The following UGT1A10 variants were observed in gnomAD, a reference collection of about 807,000 sequenced individuals.
UGT1A10 encodes UDP-glucuronosyltransferase 1A10.
Under a neutral mutation model 45.8 loss-of-function variants are expected in UGT1A10, and 49 were observed. The observed-to-expected ratio is 1.07, with a 90% CI of 0.85 to 1.36. The LOEUF is 1.36. Among genes scored for constraint, UGT1A10 ranks in the 40% most tolerant of loss-of-function variants. The probability of loss-of-function intolerance (pLI) is 0.00; values close to 1 mark genes in which losing one functional copy is unlikely to be tolerated. For missense variants in UGT1A10, 745 were observed against 668.6 expected (o/e 1.11, Z -1.26); for synonymous variants, 284 against 249.7 (o/e 1.14, Z -1.29).
At chr2:233,664,794 C>G (rs1330704608) in intron 1 of UGT1A10, among the ~76,000 whole-genome samples, 1 of 152,180 alleles carries the variant, frequency 6.6e-6, no homozygotes, top group Non-Finnish European at 1.5e-5. Context: ...AATATCCAAG[C>G]TATAACACTG....
In UGT1A10 at chr2:233,772,770, T is replaced by C. The variant is rs10929303; in HGVS notation, c.*211T>C. 0.78 allele frequency: 1,055,817 copies of C among 1,348,090 alleles called. 415,213 individuals are homozygous for C. Among genetic ancestry groups the C allele is most frequent in the East Asian group, 0.89 (34,131 of 38,366 alleles). The allele number at this position is 1,348,090 out of a possible 1,614,324, so 83.5% of individuals were successfully genotyped here. ...ATTTGAATATGTATCGTGCCCCCTC[T>C]GGTGTCTTTGATCAGGATGACATGT... On this transcript the variant is annotated 3_prime_UTR_variant, in exon 5 of 5. Transcript: ENST00000344644.
chr2:233,762,345 C>A (rs964115716), intron 1 of UGT1A10, among the ~76,000 whole-genome samples: 1 of 152,164 alleles, frequency 6.6e-6, no homozygotes, highest in Non-Finnish European at 1.5e-5. Flanking sequence ...CTTTTTAGTT[C>A]TTTGTACTCC....
intron 1 of UGT1A10, among the ~76,000 whole-genome samples, chr2:233,758,520 T>A (rs1404036248): frequency 1.3e-5 from 2 of 152,094 alleles, no homozygotes; most frequent in African/African-American, 4.8e-5. Context: ...CAACAAAGAG[T>A]GAAAGCATTG....
chr2:233,719,326 CTG>C, intron 1 of UGT1A10: 1 of 1,613,946 alleles, frequency 6.2e-7, no homozygotes. Context: ...TCGATTCCTG[CTG>C]TGTTTTTTTG....
chr2:233,672,828 CCTTTGG>C, intron 1 of UGT1A10: 1 of 1,562,282 alleles, frequency 6.4e-7, no homozygotes, highest in Admixed American at 2.0e-5. Flanking sequence ...GAATACTTCA[CCTTTGG>C]AAATTAAAAA....
rs545296603 is a variant in UGT1A10, at chr2:233,723,272, C to T, written c.856-43762C>T. On this transcript the variant is annotated intron_variant, in intron 1 of 4. Transcript: ENST00000344644. Reference sequence around the variant, plus strand: ...TCACCCAGGCTGGAGTGCAATGGCACGATGTTGGCTCACTGCAACCTCTGC... The same window carrying T: ...TCACCCAGGCTGGAGTGCAATGGCATGATGTTGGCTCACTGCAACCTCTGC... 7.1e-5 allele frequency among the ~76,000 whole-genome samples: 8 copies of T among 111,932 alleles called. 2 individuals carry two copies. In the East Asian group the frequency reaches 1.2e-3, roughly 16 times the overall value. The allele number at this position is 111,932 out of a possible 152,430, so 73.4% of individuals were successfully genotyped here.
intron 1 of UGT1A10, chr2:233,692,854 T>C (rs571815189): frequency 2.0e-6 from 3 of 1,463,420 alleles, no homozygotes; most frequent in African/African-American, 2.8e-5. Context: ...TTAATTTGGG[T>C]TCTTACATAT....
At chr2:233,680,119 C>T (rs746737055) in intron 1 of UGT1A10, among the ~76,000 whole-genome samples, 28 of 152,162 alleles carry the variant, frequency 1.8e-4, no homozygotes, top group African/African-American at 3.9e-4. Flanking sequence ...GCTCAATCTA[C>T]GGTACCTATC....
chr2:233,719,099 G>T, intron 1 of UGT1A10: 3 of 1,614,244 alleles, frequency 1.9e-6, no homozygotes, highest in Non-Finnish European at 2.5e-6. Flanking sequence ...ATCGCGTTAC[G>T]CTGGGCTACA....
rs192599700 is a variant in UGT1A10, at chr2:233,747,215, T to C, written c.856-19819T>C. 3.6e-4 allele frequency: 574 copies of C among 1,605,522 alleles called. 5 individuals are homozygous for C. In the East Asian group the frequency reaches 0.012, roughly 33 times the overall value. On this transcript the variant is annotated intron_variant, in intron 1 of 4. Coordinates refer to ENST00000344644, the MANE Select transcript of UGT1A10 (RefSeq NM_019075.4). ...CAGCTGTCCGTGTCTTCTGCTGAGA[T>C]GGCCACAGGACCCCAGGTTCCCCTG...
At chr2:233,685,329 G>A (rs1252071840) in intron 1 of UGT1A10, among the ~76,000 whole-genome samples, 3 of 152,178 alleles carry the variant, frequency 2.0e-5, no homozygotes, top group East Asian at 3.9e-4. Flanking sequence ...CACCACACCC[G>A]GACTTAAAGT....
intron 1 of UGT1A10, chr2:233,748,023 C>T: frequency 6.2e-7 from 1 of 1,613,520 alleles, no homozygotes; most frequent in Non-Finnish European, 8.5e-7. Context: ...GCCGATCATG[C>T]CCAACATGGT....
chr2:233,649,123 C>T, intron 1 of UGT1A10: 2 of 709,906 alleles, frequency 2.8e-6, no homozygotes, highest in East Asian at 9.0e-5. Flanking sequence ...GTGTTTGTTG[C>T]ATCTAAAATT....
chr2:233,716,324 A>G (rs1170478675), intron 1 of UGT1A10, among the ~76,000 whole-genome samples: 4 of 152,226 alleles, frequency 2.6e-5, no homozygotes, highest in Non-Finnish European at 5.9e-5. Flanking sequence ...AATGGAATAT[A>G]TTCCCAGGTT....
In UGT1A10 at chr2:233,637,401, A is replaced by T. The variant is rs1293301337; in HGVS notation, c.855+24A>T. 2.5e-6 allele frequency: 4 copies of T among 1,586,210 alleles called. No homozygotes were observed. In the South Asian group the frequency reaches 3.5e-5, roughly 14 times the overall value. On this transcript the variant is annotated intron_variant, in intron 1 of 4. Coordinates refer to ENST00000344644, the MANE Select transcript of UGT1A10 (RefSeq NM_019075.4). ...TGGTAAGTCACCTCTCCTTTAGCAC[A>T]TTAAGAATAATCTGGCTTTGGAAAT... is the stretch of plus-strand genomic sequence containing the variant.
At chr2:233,746,037 G>A (rs1056217183) in intron 1 of UGT1A10, among the ~76,000 whole-genome samples, 1 of 151,708 alleles carries the variant, frequency 6.6e-6, no homozygotes, top group African/African-American at 2.4e-5. Context: ...CTTACTTGCT[G>A]GCTTGGATGC....
At chr2:233,656,813 C>T (rs757772806) in intron 1 of UGT1A10, among the ~76,000 whole-genome samples, 60 of 152,076 alleles carry the variant, frequency 3.9e-4, no homozygotes, top group Non-Finnish European at 6.8e-4. Flanking sequence ...TTGTGGGAGA[C>T]GGGCGGCACT....
At chr2:233,686,426 C>T (rs2074789330) in intron 1 of UGT1A10, among the ~76,000 whole-genome samples, 1 of 152,150 alleles carries the variant, frequency 6.6e-6, no homozygotes, top group Non-Finnish European at 1.5e-5. Context: ...TAAACACACG[C>T]ATGCTTGACA....
rs771159962 is a variant in UGT1A10 at position 233,772,481 on chromosome 2, ATGT to A, written c.1519_1521del (p.Cys507del). 1.2e-6 allele frequency: 2 copies of A among 1,614,126 alleles called. No homozygotes were observed. Among genetic ancestry groups the A allele is most frequent in the South Asian group, 1.1e-5 (1 of 91,090 alleles). ...TGACAGTGGCCTTCATCACCTTTAA[ATGT>A]TGTGCTTATGGCTACCGGAAATGCT... On this transcript the variant is annotated inframe_deletion, in exon 5 of 5. Transcript: ENST00000344644.
Sources: allele counts gnomAD v4.1 joint callset (sites outside exome capture counted in the v4.1 genomes callset), GRCh38; gene constraint gnomAD v4.1.1; transcripts MANE v1.5; gene names NCBI Gene and HGNC (gene_info 2026-07-23, HGNC 2026-07-21).